PIEZO2: variants seen among roughly 807,000 people sequenced by gnomAD.
PIEZO2 encodes the protein piezo type mechanosensitive ion channel component 2, also known as piezo-type mechanosensitive ion channel component 2.
Under a neutral mutation model 337.3 loss-of-function variants are expected in PIEZO2, and 172 were observed. The observed-to-expected ratio is 0.51, with a 90% confidence interval of 0.45 to 0.58. PIEZO2 has a LOEUF of 0.58. Ranked by LOEUF, PIEZO2 falls within the 20% of genes least tolerant of loss-of-function variation. The pLI, the probability that PIEZO2 is intolerant of heterozygous loss-of-function variation, is 0.00. For missense variants in PIEZO2, 3,028 were observed against 3,391.3 expected (o/e 0.89, Z 2.66); for synonymous variants, 1,251 against 1,228.5 (o/e 1.02, Z -0.38).
chr18:11,050,517 T>G (rs1278852189), intron 2 of PIEZO2, among the ~76,000 whole-genome samples: 1 of 88,514 alleles, frequency 1.1e-5, no homozygotes, highest in Non-Finnish European at 2.2e-5. Flanking sequence ...GCTTTTGGTG[T>G]TTATTTTACA....
rs1440751561 is a variant in PIEZO2, at chr18:10,988,532, G to GCTATTTTA, written c.161-8873_161-8872insTAAAATAG. Among the ~76,000 whole-genome samples the GCTATTTTA allele has an allele frequency of 2.0e-5, 3 of 152,092 alleles. No homozygotes were observed. Among genetic ancestry groups the GCTATTTTA allele is most frequent in the Non-Finnish European group, 2.9e-5 (2 of 68,028 alleles). On this transcript the variant is annotated intron_variant, in intron 2 of 55. Coordinates refer to ENST00000674853, the MANE Select transcript of PIEZO2 (RefSeq NM_001378183.1). The surrounding 1 kb of genome is among the most constrained non-coding windows in gnomAD (Gnocchi z 4.8). ...GCTCCATTATGAAAAATAGTATGGA[G>GCTATTTTA]ATTCTTAAAAATTAAAAATAGAACT...
At chr18:10,778,433 C>G (rs770759102) in intron 18 of PIEZO2, among the ~76,000 whole-genome samples, 3 of 151,392 alleles carry the variant, frequency 2.0e-5, no homozygotes, top group Non-Finnish European at 4.4e-5. Flanking sequence ...CCCAGGTTCA[C>G]GCCATTCTCC....
chr18:11,051,358 T>TGTGTGTGTGGGTGTGGGTGTGGGTGTGG (rs2037523728), intron 2 of PIEZO2, among the ~76,000 whole-genome samples: 1 of 151,228 alleles, frequency 6.6e-6, no homozygotes, highest in African/African-American at 2.4e-5. Flanking sequence ...TGTGTGTGTG[T>TGTGTGTGTGGGTGTGGGTGTGGGTGTGG]GTGTGTGTGT....
rs902285059 is a variant in PIEZO2 at position 10,942,031 on chromosome 18, C to T, written c.287-30803G>A. Among the ~76,000 whole-genome samples, 4 of 152,138 alleles carry T rather than the reference C, an allele frequency of 2.6e-5. No individual in the cohort carries two copies. Among genetic ancestry groups the T allele is most frequent in the East Asian group, 1.9e-4 (1 of 5,164 alleles). ...GTCTCTCTTCGCCTGCTGCCATCCA[C>T]GTAAGATGTGACTTGCTCCTCCTTG... On this transcript the variant is annotated intron_variant, in intron 3 of 55. Coordinates refer to ENST00000674853, the MANE Select transcript of PIEZO2 (RefSeq NM_001378183.1). The surrounding 1 kb of genome is among the most constrained non-coding windows in gnomAD (Gnocchi z 4.4).
At chr18:10,838,273 C>T (rs926243736) in intron 7 of PIEZO2, among the ~76,000 whole-genome samples, 1 of 152,180 alleles carries the variant, frequency 6.6e-6, no homozygotes, top group Non-Finnish European at 1.5e-5. Flanking sequence ...CAATGTTTAA[C>T]CATCTTTTTT....
Position 11,129,562 on chromosome 18 carries a change from T to G in PIEZO2, c.64+18963A>C, listed in dbSNP as rs2040281859. Among the ~76,000 whole-genome samples, 1 of 152,102 alleles carries G rather than the reference T, an allele frequency of 6.6e-6. No individual in the cohort carries two copies. Among genetic ancestry groups the G allele is most frequent in the Non-Finnish European group, 1.5e-5 (1 of 68,010 alleles). On this transcript the variant is annotated intron_variant, in intron 1 of 55. Coordinates refer to ENST00000674853, the MANE Select transcript of PIEZO2 (RefSeq NM_001378183.1). This position sits in a 1 kb window ranked among gnomAD's most constrained non-coding sequence, Gnocchi z 4.6. ...ACAGAATCACAGCCCCTCAATCAATTTCCAGACTTGAGCCAGTTTATGCAC... is the reference window on the plus strand; with the variant it reads ...ACAGAATCACAGCCCCTCAATCAATGTCCAGACTTGAGCCAGTTTATGCAC...
In PIEZO2 at chr18:10,719,398, C is replaced by T. The variant is rs150288924; in HGVS notation, c.5030-1139G>A. Among the ~76,000 whole-genome samples, 328 of 152,250 alleles carry T rather than the reference C, an allele frequency of 2.2e-3. 1 individual carries two copies. Among genetic ancestry groups the T allele is most frequent in the African/African-American group, 7.0e-3 (289 of 41,542 alleles). ...ATCTCCAGTGTCTATGACTGCCCTCCGTATGCCCATGTGCACCCATTGCTT... is the reference window on the plus strand; with the variant it reads ...ATCTCCAGTGTCTATGACTGCCCTCTGTATGCCCATGTGCACCCATTGCTT... On this transcript the variant is annotated intron_variant, in intron 36 of 55. Coordinates refer to ENST00000674853, the MANE Select transcript of PIEZO2 (RefSeq NM_001378183.1).
rs965264076 is a variant in PIEZO2, at chr18:10,834,078, T to A, written c.917+21275A>T. ...CACAGGTGATGTTTTGATACAGACA[T>A]GCAATGTGTAACAATCACATCAGGG... On this transcript the variant is annotated intron_variant, in intron 7 of 55. Transcript: ENST00000674853. This position sits in a 1 kb window ranked among gnomAD's most constrained non-coding sequence, Gnocchi z 4.5. Among the ~76,000 whole-genome samples the A allele has an allele frequency of 3.9e-5, 6 of 152,254 alleles. No individual in the cohort carries two copies. Among genetic ancestry groups the A allele is most frequent in the African/African-American group, 1.4e-4 (6 of 41,462 alleles).
chr18:10,942,607 G>A lies in PIEZO2; in HGVS notation c.287-31379C>T, dbSNP rs2032787957. On this transcript the variant is annotated intron_variant, in intron 3 of 55. Transcript: ENST00000674853. The surrounding 1 kb of genome is among the most constrained non-coding windows in gnomAD (Gnocchi z 4.4). The stretch of plus-strand genomic sequence containing the variant: ...CTGTAAAAGGCATTCAGTTTTAGAA[G>A]AGAAGCAGAGCACAAAAGTTCGGAA... Among the ~76,000 whole-genome samples, 1 of 152,178 alleles carries A rather than the reference G, an allele frequency of 6.6e-6. No individual in the cohort carries two copies. Among genetic ancestry groups the A allele is most frequent in the Admixed American group, 6.5e-5 (1 of 15,276 alleles).
chr18:10,844,809 C>G (rs1447341620), intron 7 of PIEZO2, among the ~76,000 whole-genome samples: 1 of 142,026 alleles, frequency 7.0e-6, no homozygotes, highest in East Asian at 2.2e-4. Flanking sequence ...AAAAAAAGTA[C>G]CTACCTCATA....
chr18:10,918,647 G>T (rs534372664), intron 3 of PIEZO2, among the ~76,000 whole-genome samples: 43 of 151,886 alleles, frequency 2.8e-4, no homozygotes, highest in African/African-American at 1.0e-3. Context: ...TTTACAAAAC[G>T]TGAAAATACT....
Position 11,116,633 on chromosome 18 carries a change from G to A in PIEZO2, c.64+31892C>T, listed in dbSNP as rs923999672. Among the ~76,000 whole-genome samples the A allele has an allele frequency of 1.3e-4, 19 of 151,438 alleles. No individual in the cohort carries two copies. Among genetic ancestry groups the A allele is most frequent in the African/African-American group, 3.6e-4 (15 of 41,202 alleles). Reference sequence around the variant, plus strand: ...CGGGAGGCTGAGGCAGGAGAATGGCGTGAACCCGGGAGGCGTAGCTTGCAG... The same window carrying A: ...CGGGAGGCTGAGGCAGGAGAATGGCATGAACCCGGGAGGCGTAGCTTGCAG... On this transcript the variant is annotated intron_variant, in intron 1 of 55. Transcript: ENST00000674853. This position sits in a 1 kb window ranked among gnomAD's most constrained non-coding sequence, Gnocchi z 5.0.
intron 21 of PIEZO2, 85 bp from the exon 22 acceptor site, chr18:10,763,183 T>A: frequency 7.1e-7 from 1 of 1,404,410 alleles, no homozygotes. Context: ...ATGACTTGAT[T>A]TACTCAGTTC....
chr18:10,996,228 C>T (rs924906642), intron 2 of PIEZO2, among the ~76,000 whole-genome samples: 1 of 152,250 alleles, frequency 6.6e-6, no homozygotes, highest in Admixed American at 6.5e-5. Context: ...GAGAACAAGA[C>T]CCTCAGAGAC....
intron 47 of PIEZO2, among the ~76,000 whole-genome samples, chr18:10,695,325 C>T (rs2035033753): frequency 6.6e-6 from 1 of 152,118 alleles, no homozygotes; most frequent in Non-Finnish European, 1.5e-5. Context: ...TGGGAGGGAG[C>T]AGAGCTTGGA....
chr18:10,695,352 G>T (rs1403144618), intron 47 of PIEZO2, among the ~76,000 whole-genome samples: 1 of 152,144 alleles, frequency 6.6e-6, no homozygotes, highest in East Asian at 1.9e-4. Context: ...AGGCACACTG[G>T]GGAACTGAAG....
chr18:11,012,071 G>A (rs2660271), intron 2 of PIEZO2, among the ~76,000 whole-genome samples: 44,281 of 151,620 alleles, frequency 0.29, 6,983 homozygotes, highest in Non-Finnish European at 0.36. Context: ...TTGCAAAAGC[G>A]AAAAAAAAAG....
chr18:10,878,088 C>T lies in PIEZO2; in HGVS notation c.330-6673G>A, dbSNP rs982889862. 1.2e-4 allele frequency among the ~76,000 whole-genome samples: 18 copies of T among 152,084 alleles called. No homozygotes were observed. Among genetic ancestry groups the T allele is most frequent in the African/African-American group, 3.1e-4 (13 of 41,406 alleles). ...ACACCCATTCCAGAATAGAATGGAC[C>T]GCCATCCCTCCCACATCCTCCATCA... On this transcript the variant is annotated intron_variant, in intron 4 of 55. Coordinates refer to ENST00000674853, the MANE Select transcript of PIEZO2 (RefSeq NM_001378183.1). This position sits in a 1 kb window ranked among gnomAD's most constrained non-coding sequence, Gnocchi z 4.3.
chr18:11,105,841 A>G lies in PIEZO2; in HGVS notation c.65-39619T>C, dbSNP rs887808555. On this transcript the variant is annotated intron_variant, in intron 1 of 55. Transcript: ENST00000674853. This position sits in a 1 kb window ranked among gnomAD's most constrained non-coding sequence, Gnocchi z 4.3. Reference sequence around the variant, plus strand: ...ACATTTACATTGATCCTCTCCAGGAAAGATCAGTGGCTTAATGGGCCACAA... The same window carrying G: ...ACATTTACATTGATCCTCTCCAGGAGAGATCAGTGGCTTAATGGGCCACAA... Among the ~76,000 whole-genome samples, 1 of 152,174 alleles carries G rather than the reference A, an allele frequency of 6.6e-6. No individual in the cohort carries two copies. The highest frequency in any genetic ancestry group is 2.1e-4 in the South Asian group (1 of 4,836).
Sources: gnomAD v4.1 joint callset for allele counts (sites outside exome capture counted in the v4.1 genomes callset) on GRCh38, gnomAD v4.1.1 for gene constraint, Gnocchi (gnomAD v3.1) non-coding constraint, MANE v1.5 for transcripts, NCBI Gene and HGNC (gene_info 2026-07-23, HGNC 2026-07-21) for gene names.